The following ZNF654 variants were observed in gnomAD, a reference collection of about 807,000 sequenced individuals.
ZNF654 encodes the protein zinc finger protein 654, also known as melanoma-associated antigen.
ZNF654 carries 19 observed loss-of-function variants against 95.3 expected under a neutral mutation model. The observed-to-expected ratio is 0.20, with a 90% confidence interval of 0.14 to 0.29. ZNF654 has a LOEUF of 0.29. Ranked by LOEUF, ZNF654 falls within the 10% of genes least tolerant of loss-of-function variation. The probability of loss-of-function intolerance (pLI) is 1.00; values close to 1 mark genes in which losing one functional copy is unlikely to be tolerated. For missense variants in ZNF654, 1,046 were observed against 1,341.0 expected, an observed-to-expected ratio of 0.78 and a Z score of 3.44; for synonymous variants, 413 against 457.9, an observed-to-expected ratio of 0.90 and a Z score of 1.25.
At chr3:88,110,976 G>A (rs898355115) in intron 2 of ZNF654, among the ~76,000 whole-genome samples, 5 of 151,992 alleles carry the variant, frequency 3.3e-5, no homozygotes, top group African/African-American at 1.2e-4. Flanking sequence ...TGGTAGTGGG[G>A]CATGCACACT....
rs2107888333 is a variant in ZNF654 at position 88,139,191 on chromosome 3, G to A, written c.1522G>A (p.Gly508Arg). The A allele has an allele frequency of 2.1e-6, 3 of 1,450,710 alleles. No individual in the cohort carries two copies. Among genetic ancestry groups the A allele is most frequent in the Non-Finnish European group, 2.7e-6 (3 of 1,103,292 alleles). The allele number at this position is 1,450,710 out of a possible 1,614,324, so 89.9% of individuals were successfully genotyped here. ...GFDSLTDQST[G>R]ETDPDDVSGV... ...TGACTCTCTTACAGATCAGAGCACT[G>A]GAGAGACTGATCCTGATGATGTATC... Residue 508 changes from glycine (G) to arginine (R), a missense_variant, in exon 8 of 9, where the codon GGA becomes AGA. Around this residue, in one of 9 missense-constraint regions of ZNF654, gnomAD observed 100 missense variants for 108.9 expected, o/e 0.92. Coordinates refer to ENST00000636215, the MANE Select transcript of ZNF654 (RefSeq NM_001350134.2).
At chr3:88,118,001 G>A (rs1486826964) in intron 3 of ZNF654, among the ~76,000 whole-genome samples, 1 of 150,494 alleles carries the variant, frequency 6.6e-6, no homozygotes, top group African/African-American at 2.4e-5. Context: ...GAGAAACATA[G>A]ATGTTTTAGT....
chr3:88,121,347 A>G (rs1462775768), intron 3 of ZNF654, among the ~76,000 whole-genome samples: 1 of 152,172 alleles, frequency 6.6e-6, no homozygotes, highest in Non-Finnish European at 1.5e-5. Context: ...TAATGGCATA[A>G]TAGAAGCATT....
chr3:88,114,323 GAT>G (rs1705263577), intron 3 of ZNF654, among the ~76,000 whole-genome samples: 1 of 152,140 alleles, frequency 6.6e-6, no homozygotes, highest in Admixed American at 6.6e-5. Flanking sequence ...GCTGACCACT[GAT>G]AATGGGAACC....
At position 88,135,082 on chromosome 3, in the gene ZNF654, T is replaced by C. The variant is rs1183403486; in HGVS notation, c.915T>C (p.Ser305=). Residue 305 remains serine (S), a synonymous_variant, in exon 7 of 9, where the codon AGT becomes AGC. Coordinates refer to ENST00000636215, the MANE Select transcript of ZNF654 (RefSeq NM_001350134.2). ...ACAGGGAGTTGATTTTCATATGGAGTAAACTACAGCTTAAATCTAATCCTT... is the reference window on the plus strand; with the variant it reads ...ACAGGGAGTTGATTTTCATATGGAGCAAACTACAGCTTAAATCTAATCCTT... ...YCIWELIFIW[S]KLQLKSNPSK... The C allele has an allele frequency of 2.1e-6, 3 of 1,453,696 alleles. No homozygotes were observed. The highest frequency in any genetic ancestry group is 5.3e-5 in the East Asian group (2 of 37,422). The allele number at this position is 1,453,696 out of a possible 1,614,324, so 90.0% of individuals were successfully genotyped here.
rs531573417 is a variant in ZNF654, at chr3:88,061,126, A to G, written c.186+1621A>G. 3.9e-5 allele frequency among the ~76,000 whole-genome samples: 6 copies of G among 152,288 alleles called. No homozygotes were observed. The South Asian group carries it at 1.2e-3, about 32-fold the overall frequency. ...TTGTAACTATACCTTTTACATCTAG[A>G]AACCACGCTATTGGTAGATTTTGTA... On this transcript the variant is annotated intron_variant, in intron 1 of 8. Transcript: ENST00000636215.
intron 1 of ZNF654, among the ~76,000 whole-genome samples, chr3:88,060,737 A>G (rs1016680810): frequency 2.0e-5 from 3 of 152,088 alleles, no homozygotes; most frequent in Admixed American, 6.5e-5. Context: ...AATGGACATC[A>G]TGTTTGCTGA....
At chr3:88,066,195 T>C (rs955965795) in intron 1 of ZNF654, among the ~76,000 whole-genome samples, 4 of 152,222 alleles carry the variant, frequency 2.6e-5, no homozygotes, top group African/African-American at 4.8e-5. Context: ...GGTTCTAAAC[T>C]TCAGTGACTT....
chr3:88,127,723 G>A (rs1450895664), intron 4 of ZNF654, among the ~76,000 whole-genome samples: 4 of 152,136 alleles, frequency 2.6e-5, no homozygotes, highest in Non-Finnish European at 5.9e-5. Context: ...AGGGCTGATG[G>A]CCTTTTAGGC....
chr3:88,075,632 T>C (rs1478543522), intron 1 of ZNF654, among the ~76,000 whole-genome samples: 4 of 152,220 alleles, frequency 2.6e-5, no homozygotes, highest in Admixed American at 2.6e-4. Flanking sequence ...ATTGGCAGAA[T>C]AAACATTCCT....
intron 2 of ZNF654, among the ~76,000 whole-genome samples, chr3:88,088,761 T>TATGGATGG (rs931246026): frequency 1.5e-3 from 187 of 126,484 alleles, no homozygotes; most frequent in South Asian, 9.6e-3. Flanking sequence ...TGTATGTATG[T>TATGGATGG]ATGGATGGAT....
At chr3:88,106,690 A>G (rs1704760342) in intron 2 of ZNF654, among the ~76,000 whole-genome samples, 1 of 152,084 alleles carries the variant, frequency 6.6e-6, no homozygotes, top group Non-Finnish European at 1.5e-5. Flanking sequence ...AATTTGTTTA[A>G]TGCTTTTTTA....
intron 2 of ZNF654, among the ~76,000 whole-genome samples, chr3:88,097,441 A>C (rs1309957582): frequency 6.6e-6 from 1 of 152,124 alleles, no homozygotes; most frequent in Non-Finnish European, 1.5e-5. Context: ...AAGGTTAACA[A>C]GGATATCTGG....
At chr3:88,068,458 A>G (rs1707324361) in intron 1 of ZNF654, among the ~76,000 whole-genome samples, 1 of 152,106 alleles carries the variant, frequency 6.6e-6, no homozygotes, top group Non-Finnish European at 1.5e-5. Context: ...GTGCATATAT[A>G]ATGTCATAAC....
In ZNF654 at chr3:88,086,520, G is replaced by T. The variant is rs143592628; in HGVS notation, c.332+118G>T. Reference sequence around the variant, plus strand: ...CTAAAGTATTCCCTCAAAAAGAAATGTTTATTTTTTTCACTGAAGTATTCA... The same window carrying T: ...CTAAAGTATTCCCTCAAAAAGAAATTTTTATTTTTTTCACTGAAGTATTCA... On this transcript the variant is annotated intron_variant, in intron 2 of 8. Transcript: ENST00000636215. The T allele has an allele frequency of 8.9e-3, 8,353 of 938,006 alleles. 50 individuals carry two copies. Among genetic ancestry groups the T allele is most frequent in the Middle Eastern group, 0.016 (46 of 2,934 alleles). The allele number at this position is 938,006 out of a possible 1,614,324, so 58.1% of individuals were successfully genotyped here. A position where few individuals can be genotyped will look rare whatever the true frequency, so the allele number is the denominator to read the frequency against.
chr3:88,063,160 AG>A (rs1271149049), intron 1 of ZNF654, among the ~76,000 whole-genome samples: 4 of 152,106 alleles, frequency 2.6e-5, no homozygotes, highest in Non-Finnish European at 2.9e-5. Flanking sequence ...TAGTGCATGG[AG>A]GCTAGAGATG....
chr3:88,077,688 A>G (rs1707887290), intron 1 of ZNF654, among the ~76,000 whole-genome samples: 2 of 56,004 alleles, frequency 3.6e-5, no homozygotes, highest in Admixed American at 4.3e-4. Context: ...ACATGCTGTA[A>G]TACTTACTAT....
chr3:88,116,199 C>A (rs532724651), intron 3 of ZNF654, among the ~76,000 whole-genome samples: 1 of 152,030 alleles, frequency 6.6e-6, no homozygotes, highest in South Asian at 2.1e-4. Flanking sequence ...GACAGAAATC[C>A]TGAGTGACTT....
At position 88,086,206 on chromosome 3, in the gene ZNF654, G is replaced by A. The variant is rs1708328599; in HGVS notation, c.187-51G>A. 23 of 1,472,502 alleles carry A rather than the reference G, an allele frequency of 1.6e-5. No individual in the cohort carries two copies. The East Asian group carries it at 4.2e-4, about 27-fold the overall frequency. The allele number at this position is 1,472,502 out of a possible 1,614,324, so 91.2% of individuals were successfully genotyped here. A position where few individuals can be genotyped will look rare whatever the true frequency, so the allele number is the denominator to read the frequency against. ...AACTTTTATGCAAATTTTTAAACTC[G>A]AGATGTTGAGAACTTTTTCTATAGT... is the stretch of plus-strand genomic sequence containing the variant. On this transcript the variant is annotated intron_variant, in intron 1 of 8. Transcript: ENST00000636215.
Sources: allele counts gnomAD v4.1 joint callset (sites outside exome capture counted in the v4.1 genomes callset), GRCh38; gene constraint gnomAD v4.1.1; regional missense constraint gnomAD v4.1.1; transcripts MANE v1.5; gene names NCBI Gene and HGNC (gene_info 2026-07-23, HGNC 2026-07-21).